Variants in EPHA5 observed in about 807,000 individuals in gnomAD.
EPHA5 encodes the protein ephrin type-A receptor 5.
A neutral mutation model predicts 105.0 loss-of-function variants in EPHA5; 60 were observed. The observed-to-expected ratio is 0.57, with a 90% CI of 0.46 to 0.71. The LOEUF (loss-of-function observed/expected upper bound fraction) is 0.71. Ranked by LOEUF, EPHA5 falls within the 30% of genes least tolerant of loss-of-function variation. The pLI, the probability that EPHA5 is intolerant of heterozygous loss-of-function variation, is 0.00. For synonymous variants in EPHA5, 513 were observed against 449.1 expected (o/e 1.14, Z -1.80); for missense variants, 1,218 against 1,274.7 (o/e 0.96, Z 0.68).
chr4:65,532,645 A>C (rs543422250), intron 3 of EPHA5, among the ~76,000 whole-genome samples: 1 of 135,386 alleles, frequency 7.4e-6, no homozygotes, highest in South Asian at 2.4e-4. Context: ...TTTTCGTTGA[A>C]TCTCTCACCA....
At chr4:65,499,782 G>A (rs2149237785) in intron 3 of EPHA5, among the ~76,000 whole-genome samples, 1 of 150,900 alleles carries the variant, frequency 6.6e-6, no homozygotes, top group South Asian at 2.1e-4. Flanking sequence ...TGTAGGAAAA[G>A]CATTCTGGGC....
intron 7 of EPHA5, among the ~76,000 whole-genome samples, chr4:65,405,799 G>A (rs971449529): frequency 6.6e-6 from 1 of 152,016 alleles, no homozygotes; most frequent in Non-Finnish European, 1.5e-5. Context: ...AAATGAGGTA[G>A]GAAAAAACTA....
chr4:65,538,885 T>G (rs1425117314), intron 3 of EPHA5, among the ~76,000 whole-genome samples: 1 of 151,694 alleles, frequency 6.6e-6, no homozygotes, highest in Non-Finnish European at 1.5e-5. Flanking sequence ...AATGTAGCAA[T>G]TACCTTAGAT....
intron 8 of EPHA5, among the ~76,000 whole-genome samples, chr4:65,401,875 T>C (rs1721860932): frequency 6.7e-6 from 1 of 149,156 alleles, no homozygotes. Context: ...CAATTTCAGG[T>C]ATATATAGAA....
chr4:65,402,408 T>C (rs1260006436), intron 8 of EPHA5, among the ~76,000 whole-genome samples: 1 of 152,170 alleles, frequency 6.6e-6, no homozygotes, highest in Non-Finnish European at 1.5e-5. Flanking sequence ...GAAAGTTCTT[T>C]CAAACATTTT....
At chr4:65,468,141 G>A (rs1469814202) in intron 5 of EPHA5, among the ~76,000 whole-genome samples, 1 of 152,038 alleles carries the variant, frequency 6.6e-6, no homozygotes, top group East Asian at 1.9e-4. Context: ...CAGCCATAGG[G>A]AATAAATGTA....
intron 6 of EPHA5, among the ~76,000 whole-genome samples, chr4:65,417,390 T>C (rs1723491380): frequency 6.6e-6 from 1 of 152,224 alleles, no homozygotes; most frequent in Admixed American, 6.5e-5. Context: ...ATTTTTTTTA[T>C]AAATGAAAGT....
intron 3 of EPHA5, among the ~76,000 whole-genome samples, chr4:65,570,233 C>T (rs1739982689): frequency 6.6e-6 from 1 of 151,728 alleles, no homozygotes; most frequent in East Asian, 1.9e-4. Flanking sequence ...AGGGTCACTG[C>T]CTGAGGTAAT....
At chr4:65,355,700 A>C (rs549987092) in intron 11 of EPHA5, among the ~76,000 whole-genome samples, 1 of 151,690 alleles carries the variant, frequency 6.6e-6, no homozygotes, top group South Asian at 2.1e-4. Flanking sequence ...CTATGATATT[A>C]AGGCATTATC....
At chr4:65,414,556 T>C (rs1310525443) in intron 6 of EPHA5, 113 bp from the exon 7 acceptor site, 2 of 1,129,724 alleles carry the variant, frequency 1.8e-6, no homozygotes, top group Non-Finnish European at 1.3e-6. Context: ...ACTCTATTAG[T>C]ACAAATATAA....
chr4:65,349,450 A>G (rs1722610754), intron 13 of EPHA5, among the ~76,000 whole-genome samples: 1 of 152,132 alleles, frequency 6.6e-6, no homozygotes, highest in African/African-American at 2.4e-5. Context: ...TAGATAATCA[A>G]ATATTTCATC....
chr4:65,426,379 T>TAA (rs1417854115), intron 5 of EPHA5, among the ~76,000 whole-genome samples: 1 of 152,198 alleles, frequency 6.6e-6, no homozygotes, highest in Non-Finnish European at 1.5e-5. Flanking sequence ...TTCAAGTCTT[T>TAA]AAAATACAAG....
At chr4:65,535,851 A>C (rs1340224906) in intron 3 of EPHA5, among the ~76,000 whole-genome samples, 1 of 152,020 alleles carries the variant, frequency 6.6e-6, no homozygotes, top group African/African-American at 2.4e-5. Flanking sequence ...ACAGGAATCC[A>C]ATCTAATTAG....
intron 3 of EPHA5, among the ~76,000 whole-genome samples, chr4:65,580,114 T>C (rs1741470355): frequency 6.6e-6 from 1 of 151,916 alleles, no homozygotes. Context: ...GTTCTAAAGG[T>C]TAAATAATGT....
intron 3 of EPHA5, among the ~76,000 whole-genome samples, chr4:65,516,698 C>T (rs752157732): frequency 1.8e-4 from 28 of 152,184 alleles, no homozygotes; most frequent in South Asian, 6.2e-4. Context: ...TTCTATAAGA[C>T]GCAATCTTCA....
At chr4:65,611,097 T>C (rs1744717955) in intron 2 of EPHA5, among the ~76,000 whole-genome samples, 1 of 152,196 alleles carries the variant, frequency 6.6e-6, no homozygotes, top group South Asian at 2.1e-4. Flanking sequence ...ATTTACCATG[T>C]AGATTTTAAG....
rs1380571715 is a variant in EPHA5, at chr4:65,453,199, A to G, written c.1403-32634T>C. Among the ~76,000 whole-genome samples, 3 of 152,254 alleles carry G rather than the reference A, an allele frequency of 2.0e-5. No homozygotes were observed. The South Asian group carries it at 6.2e-4, about 31-fold the overall frequency. ...ATCCTAATTAAAATATTCAATAAAA[A>G]TAATATGCTCTTGTTTATGTGTAGA... On this transcript the variant is annotated intron_variant, in intron 5 of 16. Coordinates refer to ENST00000613740, the MANE Select transcript of EPHA5 (RefSeq NM_001281766.3).
At chr4:65,359,153 A>G (rs1294163003) in intron 11 of EPHA5, among the ~76,000 whole-genome samples, 1 of 151,556 alleles carries the variant, frequency 6.6e-6, no homozygotes, top group Admixed American at 6.6e-5. Context: ...CAGATGATTG[A>G]GATTTAGATT....
At chr4:65,607,928 A>G (rs1458117837) in intron 2 of EPHA5, among the ~76,000 whole-genome samples, 1 of 152,226 alleles carries the variant, frequency 6.6e-6, no homozygotes, top group Non-Finnish European at 1.5e-5. Context: ...ACATGGAAGC[A>G]TCCCAAATGC....
Sources: allele counts gnomAD v4.1 joint callset (sites outside exome capture counted in the v4.1 genomes callset), GRCh38; gene constraint gnomAD v4.1.1; transcripts MANE v1.5; gene names NCBI Gene and HGNC (gene_info 2026-07-23, HGNC 2026-07-21).